Variants in KCNT2 observed in about 807,000 individuals in gnomAD.
The protein encoded by KCNT2 is potassium sodium-activated channel subfamily T member 2, also known as potassium channel subfamily T member 2.
In KCNT2, 67 loss-of-function variants were observed where a neutral mutation model predicts 153.8. The observed-to-expected ratio is 0.44, with a 90% CI of 0.36 to 0.53. The LOEUF (loss-of-function observed/expected upper bound fraction) is 0.53, where lower values mean the gene tolerates loss of function less well. Ranked by LOEUF, KCNT2 falls within the 20% of genes least tolerant of loss-of-function variation. The pLI is 0.00. For missense variants in KCNT2, 975 were observed against 1,354.8 expected (o/e 0.72, Z 4.40); for synonymous variants, 500 against 458.8 (o/e 1.09, Z -1.15).
chr1:196,242,673 CACAGATA>C (rs1358406355), intron 26 of KCNT2, among the ~76,000 whole-genome samples: 1 of 152,046 alleles, frequency 6.6e-6, no homozygotes, highest in Non-Finnish European at 1.5e-5. Flanking sequence ...TTATTTGGAT[CACAGATA>C]ACTCTAATTC....
chr1:196,418,993 AG>A (rs1380955149), intron 12 of KCNT2, among the ~76,000 whole-genome samples: 10 of 152,038 alleles, frequency 6.6e-5, no homozygotes, highest in African/African-American at 2.4e-4. Flanking sequence ...CCTGCTGTTT[AG>A]GGTCCATTCC....
chr1:196,326,237 T>C (rs1385750452), intron 19 of KCNT2, among the ~76,000 whole-genome samples: 1 of 152,150 alleles, frequency 6.6e-6, no homozygotes, highest in African/African-American at 2.4e-5. Context: ...TTCTATTATG[T>C]CATAGAATGT....
intron 18 of KCNT2, among the ~76,000 whole-genome samples, chr1:196,329,448 G>A (rs947952918): frequency 6.6e-6 from 1 of 151,872 alleles, no homozygotes; most frequent in African/African-American, 2.4e-5. Flanking sequence ...TGAAAGTTTA[G>A]CTTTTCAGTT....
At chr1:196,339,524 G>C (rs573956607) in intron 16 of KCNT2, among the ~76,000 whole-genome samples, 4,128 of 124,520 alleles carry the variant, frequency 0.033, 68 homozygotes, top group Non-Finnish European at 0.053. Flanking sequence ...CACACACAGA[G>C]AGAGAGAGAG....
intron 25 of KCNT2, among the ~76,000 whole-genome samples, chr1:196,265,170 C>T (rs1347056786): frequency 1.3e-5 from 2 of 152,144 alleles, no homozygotes; most frequent in African/African-American, 2.4e-5. Flanking sequence ...GTCTTAACAA[C>T]TGGCACAGCA....
intron 1 of KCNT2, among the ~76,000 whole-genome samples, chr1:196,588,504 T>C (rs971262757): frequency 3.9e-5 from 6 of 152,078 alleles, no homozygotes; most frequent in African/African-American, 1.2e-4. Context: ...AAACAAAAAC[T>C]GTACTGTCTT....
chr1:196,325,636 G>C (rs1260093189), intron 19 of KCNT2, among the ~76,000 whole-genome samples: 1 of 151,980 alleles, frequency 6.6e-6, no homozygotes, highest in Admixed American at 6.6e-5. Flanking sequence ...CTGAAATTTG[G>C]TCCAAGTTTC....
rs963991051 is a variant in KCNT2, at chr1:196,342,082, T to A, written c.1550A>T (p.Lys517Ile). The change falls in exon 15 of 28, where the codon AAA becomes ATA. Residue 517 changes from lysine to isoleucine, a missense_variant. Around this residue, in one of 6 missense-constraint regions of KCNT2, gnomAD observed 325 missense variants for 388.1 expected, o/e 0.84. Coordinates refer to ENST00000294725, the MANE Select transcript of KCNT2 (RefSeq NM_198503.5). ...TTTCTCTGAGGCAGAAACATACTTT[T>A]TGTGTGCATGGAAAGAGGCATATGT... ...SFTYASFHAH[K>I]KFGVCLIGVR... The A allele has an allele frequency of 1.3e-6, 2 of 1,599,060 alleles. No individual in the cohort carries two copies. Among genetic ancestry groups the A allele is most frequent in the African/African-American group, 2.7e-5 (2 of 74,390 alleles).
At position 196,429,693 on chromosome 1, in the gene KCNT2, A is replaced by G. The variant is rs1352178559; in HGVS notation, c.703T>C (p.Phe235Leu). 15 of 1,612,784 alleles carry G rather than the reference A, an allele frequency of 9.3e-6. No homozygotes were observed. Among genetic ancestry groups the G allele is most frequent in the Non-Finnish European group, 1.3e-5 (15 of 1,179,304 alleles). The change falls in exon 9 of 28, where the codon TTC (phenylalanine) becomes CTC (leucine). Residue 235 changes from phenylalanine to leucine, a missense_variant. Physicochemically the swap from Phe to Leu is conservative, Grantham distance 22. Transcript: ENST00000294725. ...KKLNLFDSLYFCIVTFSTVGF... is the reference protein window; with the variant it reads ...KKLNLFDSLYLCIVTFSTVGF... ...ACAGTAGAAAACGTCACAATGCAGA[A>G]ATAAAGGGAGTCAAAGAGATTCAGC...
At chr1:196,397,523 T>A (rs1027230944) in intron 13 of KCNT2, among the ~76,000 whole-genome samples, 13 of 151,484 alleles carry the variant, frequency 8.6e-5, no homozygotes, top group African/African-American at 3.1e-4. Context: ...AGAATCTCTA[T>A]GATCAGTACT....
chr1:196,326,342 T>C (rs957561972), intron 19 of KCNT2, among the ~76,000 whole-genome samples: 4 of 151,986 alleles, frequency 2.6e-5, no homozygotes, highest in East Asian at 1.9e-4. Context: ...TGATAATTAA[T>C]GGTTCTTTAG....
intron 13 of KCNT2, among the ~76,000 whole-genome samples, chr1:196,380,545 T>C (rs1669388831): frequency 6.6e-6 from 1 of 152,124 alleles, no homozygotes; most frequent in Non-Finnish European, 1.5e-5. Context: ...AAACAGTAAA[T>C]AGTGGAAAGT....
chr1:196,541,200 A>G (rs1403629762), intron 1 of KCNT2, among the ~76,000 whole-genome samples: 1 of 152,044 alleles, frequency 6.6e-6, no homozygotes, highest in African/African-American at 2.4e-5. Flanking sequence ...TTAGTTCCTA[A>G]GTAATAAATA....
At chr1:196,235,900 G>T in intron 27 of KCNT2, 86 bp downstream of exon 27, 1 of 756,440 alleles carries the variant, frequency 1.3e-6, no homozygotes, top group South Asian at 1.7e-5. Flanking sequence ...AAAAATAAGA[G>T]GCTATTATGG....
At position 196,339,520 on chromosome 1, in the gene KCNT2, C is replaced by CAGAGAGAGAGAGAGAGAGAGAGAG. The variant is rs5779831; in HGVS notation, c.1783+797_1783+820dup. Among the ~76,000 whole-genome samples, 47 of 137,886 alleles carry CAGAGAGAGAGAGAGAGAGAGAGAG rather than the reference C, an allele frequency of 3.4e-4. 2 individuals carry two copies. The highest frequency in any genetic ancestry group is 1.3e-3 in the African/African-American group (45 of 34,852). 90.5% of individuals were successfully genotyped at this position (137,886 alleles called of 152,430 possible). A position where few individuals can be genotyped will look rare whatever the true frequency, so the allele number is the denominator to read the frequency against. ...AGATATGAAGAGACACACACACACA[C>CAGAGAGAGAGAGAGAGAGAGAGAG]AGAGAGAGAGAGAGAGAGAGAGAGA... On this transcript the variant is annotated intron_variant, in intron 16 of 27. Transcript: ENST00000294725.
chr1:196,549,736 A>T (rs1048660893), intron 1 of KCNT2, among the ~76,000 whole-genome samples: 2 of 151,934 alleles, frequency 1.3e-5, no homozygotes, highest in Admixed American at 6.6e-5. Flanking sequence ...TGGGTCTTTT[A>T]TTCAGATATG....
intron 1 of KCNT2, among the ~76,000 whole-genome samples, chr1:196,605,724 C>A (rs561575680): frequency 6.6e-6 from 1 of 152,094 alleles, no homozygotes; most frequent in East Asian, 1.9e-4. Context: ...AGGAATTTGT[C>A]ACCATATTAT....
chr1:196,283,295 G>T (rs1659298001), intron 23 of KCNT2, among the ~76,000 whole-genome samples: 1 of 152,034 alleles, frequency 6.6e-6, no homozygotes, highest in Non-Finnish European at 1.5e-5. Context: ...CAGAAAATTA[G>T]CTGGGCGTGG....
chr1:196,493,750 A>G (rs1452932544), intron 1 of KCNT2, among the ~76,000 whole-genome samples: 2 of 152,144 alleles, frequency 1.3e-5, no homozygotes. Flanking sequence ...TTTTAAAATT[A>G]ATTACGAATC....
Sources: allele counts gnomAD v4.1 joint callset (sites outside exome capture counted in the v4.1 genomes callset), GRCh38; gene constraint gnomAD v4.1.1; regional missense constraint gnomAD v4.1.1; transcripts MANE v1.5; gene names NCBI Gene and HGNC (gene_info 2026-07-23, HGNC 2026-07-21).